The following FRAS1 variants were observed in gnomAD, a reference collection of about 807,000 sequenced individuals.
FRAS1 encodes extracellular matrix organizing protein FRAS1.
FRAS1 carries 290 observed loss-of-function variants against 435.2 expected under a neutral mutation model. The ratio of observed to expected loss-of-function variants is 0.67; its 90% CI spans 0.61 to 0.73. The LOEUF is 0.73. Ranked by LOEUF, FRAS1 falls within the 30% of genes least tolerant of loss-of-function variation. The pLI is 0.00. For synonymous variants in FRAS1, 1,800 were observed against 1,851.0 expected (o/e 0.97, Z 0.71); for missense variants, 4,860 against 5,001.5 (o/e 0.97, Z 0.85).
chr4:78,061,127 G>A (rs549263512), intron 1 of FRAS1, among the ~76,000 whole-genome samples: 6 of 152,164 alleles, frequency 3.9e-5, no homozygotes, highest in Non-Finnish European at 7.4e-5. Flanking sequence ...GATTACAGGT[G>A]TGAGCCACTG....
chr4:78,532,386 TTCTC>T (rs1383370032), intron 70 of FRAS1, among the ~76,000 whole-genome samples: 1 of 152,226 alleles, frequency 6.6e-6, no homozygotes, highest in Admixed American at 6.5e-5. Flanking sequence ...GTTTCTTCCT[TTCTC>T]TCTCTTTATG....
chr4:78,066,402 TTATTAAATTAAGTAGAA>T (rs1740042379), intron 2 of FRAS1, among the ~76,000 whole-genome samples: 1 of 152,240 alleles, frequency 6.6e-6, no homozygotes, highest in Non-Finnish European at 1.5e-5. Flanking sequence ...AAAAGTATGA[TTATTAAATTAAGTAGAA>T]TAGGAAGGAT....
intron 2 of FRAS1, among the ~76,000 whole-genome samples, chr4:78,098,673 T>G (rs1741950012): frequency 6.6e-6 from 1 of 152,216 alleles, no homozygotes; most frequent in South Asian, 2.1e-4. Flanking sequence ...ATAAATGGCT[T>G]TGATGACATG....
chr4:78,323,043 C>T (rs934733413), intron 18 of FRAS1, among the ~76,000 whole-genome samples: 1 of 152,174 alleles, frequency 6.6e-6, no homozygotes, highest in Non-Finnish European at 1.5e-5. Context: ...GCTGTTGTGG[C>T]TAGAAAGCAG....
chr4:78,224,641 C>T (rs1724194515), intron 2 of FRAS1, among the ~76,000 whole-genome samples: 1 of 152,014 alleles, frequency 6.6e-6, no homozygotes, highest in African/African-American at 2.4e-5. Flanking sequence ...CAAGCAATCC[C>T]CCCACCTCAG....
intron 63 of FRAS1, among the ~76,000 whole-genome samples, chr4:78,510,558 G>A (rs1359191307): frequency 1.3e-5 from 2 of 152,216 alleles, no homozygotes; most frequent in African/African-American, 2.4e-5. Flanking sequence ...GTGGCACACA[G>A]AACTACTGAT....
In FRAS1 at chr4:78,307,889, C is replaced by G. The variant is rs556092759; in HGVS notation, c.1535-177C>G. On this transcript the variant is annotated intron_variant, in intron 14 of 73. Transcript: ENST00000512123. ...CCATCTTGGCTCCTCCCCCTAGAAA[C>G]GGTTTCTTGAAGAAGAGGGTGTTGT... 2.6e-5 allele frequency among the ~76,000 whole-genome samples: 4 copies of G among 152,272 alleles called. 1 individual carries two copies. The South Asian group carries it at 8.3e-4, about 32-fold the overall frequency.
At chr4:78,144,716 C>G (rs1206990479) in intron 2 of FRAS1, among the ~76,000 whole-genome samples, 2 of 152,082 alleles carry the variant, frequency 1.3e-5, no homozygotes, top group Admixed American at 6.6e-5. Context: ...AAAACTTGAT[C>G]AGTGTGTATT....
At chr4:78,062,752 C>T (rs188293018) in intron 1 of FRAS1, among the ~76,000 whole-genome samples, 271 of 152,238 alleles carry the variant, frequency 1.8e-3, no homozygotes, top group Admixed American at 4.6e-3. Context: ...TCTGTGTGAC[C>T]TGCAAGAAAT....
chr4:78,187,089 A>G (rs1474219323), intron 2 of FRAS1, among the ~76,000 whole-genome samples: 1 of 152,240 alleles, frequency 6.6e-6, no homozygotes, highest in African/African-American at 2.4e-5. Flanking sequence ...AATGGTAGAA[A>G]CGAGAGGTGG....
At chr4:78,529,565 C>T (rs938370613) in intron 70 of FRAS1, among the ~76,000 whole-genome samples, 1 of 152,146 alleles carries the variant, frequency 6.6e-6, no homozygotes, top group Non-Finnish European at 1.5e-5. Flanking sequence ...TATACTTCTA[C>T]ATGGTTTTGC....
intron 38 of FRAS1, among the ~76,000 whole-genome samples, chr4:78,433,821 A>G (rs1734308390): frequency 2.0e-5 from 3 of 152,248 alleles, no homozygotes; most frequent in African/African-American, 7.2e-5. Context: ...ACAGTCCAAA[A>G]TAGCGCTCCA....
At position 78,407,763 on chromosome 4, in the gene FRAS1, C is replaced by G; in HGVS notation, c.4230C>G (p.Thr1410=). 2 of 1,613,868 alleles carry G rather than the reference C, an allele frequency of 1.2e-6. No homozygotes were observed. Among genetic ancestry groups the G allele is most frequent in the Non-Finnish European group, 1.7e-6 (2 of 1,179,814 alleles). The part of the protein sequence containing the change: ...GRTATPTSTF[T]QQDINEGIVW... Reference sequence around the variant, plus strand: ...CAGCTACCCCCACCAGCACCTTCACCCAGCAGGACATCAATGAAGGCATCG... The same window carrying G: ...CAGCTACCCCCACCAGCACCTTCACGCAGCAGGACATCAATGAAGGCATCG... The change falls in exon 31 of 74, where the codon ACC becomes ACG. Residue 1410 remains threonine, a synonymous_variant. Coordinates refer to ENST00000512123, the MANE Select transcript of FRAS1 (RefSeq NM_025074.7).
chr4:78,213,885 T>C (rs371265433), intron 2 of FRAS1, among the ~76,000 whole-genome samples: 2 of 152,196 alleles, frequency 1.3e-5, no homozygotes, highest in African/African-American at 4.8e-5. Flanking sequence ...CACCTACAAG[T>C]AGGGTGCTTT....
intron 60 of FRAS1, among the ~76,000 whole-genome samples, chr4:78,497,834 G>A (rs1466606159): frequency 1.3e-5 from 2 of 152,110 alleles, no homozygotes; most frequent in Non-Finnish European, 2.9e-5. Context: ...TTGGACATTG[G>A]ATAAAATAAG....
rs1324964367 is a variant in FRAS1, at chr4:78,114,200, G to A, written c.108+48184G>A. ...TCCATTGGTCTATATATCTGTTTGG[G>A]TACCAGTAGCATGCTGTTTTGGTTA... On this transcript the variant is annotated intron_variant, in intron 2 of 73. Coordinates refer to ENST00000512123, the MANE Select transcript of FRAS1 (RefSeq NM_025074.7). 3.9e-5 allele frequency among the ~76,000 whole-genome samples: 6 copies of A among 152,124 alleles called. No individual in the cohort carries two copies. In the East Asian group the frequency reaches 7.7e-4, roughly 20 times the overall value.
In FRAS1 at chr4:78,211,522, C is replaced by T. The variant is rs572118805; in HGVS notation, c.109-25988C>T. ...AGGCATGGGGAAAGCCATGTTGTGGCAAGCATTTGTCTGAGCACCTGTACC... is the reference window on the plus strand; with the variant it reads ...AGGCATGGGGAAAGCCATGTTGTGGTAAGCATTTGTCTGAGCACCTGTACC... On this transcript the variant is annotated intron_variant, in intron 2 of 73. Transcript: ENST00000512123. 2.2e-3 allele frequency among the ~76,000 whole-genome samples: 339 copies of T among 152,302 alleles called. 1 individual carries two copies. The highest frequency in any genetic ancestry group is 4.1e-3 in the Non-Finnish European group (282 of 68,024).
intron 44 of FRAS1, among the ~76,000 whole-genome samples, chr4:78,448,769 A>G (rs1373940134): frequency 3.3e-5 from 5 of 152,214 alleles, no homozygotes; most frequent in Non-Finnish European, 5.9e-5. Context: ...TGATTATACA[A>G]ATAATTGAGA....
chr4:78,523,944 C>T (rs1285059567), intron 69 of FRAS1, among the ~76,000 whole-genome samples: 3 of 152,194 alleles, frequency 2.0e-5, no homozygotes, highest in Non-Finnish European at 4.4e-5. Context: ...CCATCCATAC[C>T]TCCATGCTTT....
Sources: gnomAD v4.1 joint callset for allele counts (sites outside exome capture counted in the v4.1 genomes callset) on GRCh38, gnomAD v4.1.1 for gene constraint, MANE v1.5 for transcripts, NCBI Gene and HGNC (gene_info 2026-07-23, HGNC 2026-07-21) for gene names.